Variants in DEPDC1B observed in about 807,000 individuals in gnomAD.
DEPDC1B encodes the protein DEP domain-containing protein 1B.
A neutral mutation model predicts 66.5 loss-of-function variants in DEPDC1B; 51 were observed. The ratio of observed to expected loss-of-function variants is 0.77; its 90% confidence interval spans 0.61 to 0.97. The LOEUF (loss-of-function observed/expected upper bound fraction) is 0.97, where lower values mean the gene tolerates loss of function less well. Ranked by LOEUF, DEPDC1B falls within the 50% of genes least tolerant of loss-of-function variation. The pLI is 0.00. For missense variants in DEPDC1B, 552 were observed against 637.1 expected (o/e 0.87, Z 1.44); for synonymous variants, 226 against 223.6 (o/e 1.01, Z -0.10).
intron 2 of DEPDC1B, among the ~76,000 whole-genome samples, chr5:60,657,118 G>A (rs979504779): frequency 6.6e-6 from 1 of 152,042 alleles, no homozygotes; most frequent in Admixed American, 6.6e-5. Flanking sequence ...ACTCCTGCTC[G>A]CTTTTGGCAT....
intron 1 of DEPDC1B, among the ~76,000 whole-genome samples, chr5:60,696,866 C>T (rs1236707353): frequency 6.7e-6 from 1 of 149,700 alleles, no homozygotes; most frequent in African/African-American, 2.5e-5. Flanking sequence ...TTCTTAGTAC[C>T]AAAAATATTA....
At chr5:60,632,152 C>T (rs1237417003) in intron 7 of DEPDC1B, among the ~76,000 whole-genome samples, 1 of 152,176 alleles carries the variant, frequency 6.6e-6, no homozygotes, top group Non-Finnish European at 1.5e-5. Flanking sequence ...GGCACTGTGC[C>T]CTCTGCCTGA....
At chr5:60,651,053 G>C (rs934477011) in intron 2 of DEPDC1B, among the ~76,000 whole-genome samples, 1 of 152,114 alleles carries the variant, frequency 6.6e-6, no homozygotes, top group Non-Finnish European at 1.5e-5. Flanking sequence ...AAATACCTAA[G>C]CAACAGGAAG....
intron 2 of DEPDC1B, among the ~76,000 whole-genome samples, chr5:60,668,582 A>G (rs1332772246): frequency 6.6e-6 from 1 of 152,016 alleles, no homozygotes; most frequent in African/African-American, 2.4e-5. Flanking sequence ...GGCCCAGAAT[A>G]TATTTTTTTA....
At chr5:60,615,711 T>TG (rs942900233) in intron 7 of DEPDC1B, among the ~76,000 whole-genome samples, 1 of 152,210 alleles carries the variant, frequency 6.6e-6, no homozygotes, top group Admixed American at 6.5e-5. Flanking sequence ...ACTCCACCTC[T>TG]GGGGGCAGGG....
At chr5:60,679,428 G>A (rs1754242282) in intron 2 of DEPDC1B, among the ~76,000 whole-genome samples, 1 of 151,746 alleles carries the variant, frequency 6.6e-6, no homozygotes, top group Admixed American at 6.6e-5. Context: ...ATTAAAATCA[G>A]TATTTTGAAA....
At chr5:60,628,911 A>C (rs997462689) in intron 7 of DEPDC1B, among the ~76,000 whole-genome samples, 1 of 152,224 alleles carries the variant, frequency 6.6e-6, no homozygotes, top group Non-Finnish European at 1.5e-5. Flanking sequence ...TCCTGCTGAA[A>C]TGGTGGGAGA....
intron 7 of DEPDC1B, among the ~76,000 whole-genome samples, chr5:60,610,894 A>G (rs1486946604): frequency 3.3e-5 from 5 of 152,202 alleles, no homozygotes; most frequent in African/African-American, 1.2e-4. Flanking sequence ...TCAGTGAGAG[A>G]ACTATCTTTG....
At chr5:60,690,919 C>A (rs565465314) in intron 1 of DEPDC1B, among the ~76,000 whole-genome samples, 1 of 152,256 alleles carries the variant, frequency 6.6e-6, no homozygotes, top group East Asian at 1.9e-4. Flanking sequence ...TTCATAATTC[C>A]TGAGCATACA....
intron 1 of DEPDC1B, among the ~76,000 whole-genome samples, chr5:60,694,171 G>A (rs781670996): frequency 2.0e-5 from 3 of 152,110 alleles, no homozygotes; most frequent in Non-Finnish European, 4.4e-5. Flanking sequence ...CACATAGACA[G>A]AATTTTTCCT....
intron 7 of DEPDC1B, among the ~76,000 whole-genome samples, chr5:60,629,282 T>C (rs578152350): frequency 4.6e-5 from 7 of 152,362 alleles, no homozygotes; most frequent in African/African-American, 1.4e-4. Flanking sequence ...TCTTGAGTGC[T>C]GTGAATAATG....
chr5:60,698,668 TA>T (rs1323958377), intron 1 of DEPDC1B, among the ~76,000 whole-genome samples: 4 of 105,812 alleles, frequency 3.8e-5, no homozygotes, highest in African/African-American at 1.3e-4. Context: ...ATCTCCTTAT[TA>T]TTTTTTTTTT....
chr5:60,599,298 A>G, intron 9 of DEPDC1B, 38 bp from the exon 10 acceptor site: 1 of 1,459,446 alleles, frequency 6.9e-7, no homozygotes, highest in Non-Finnish European at 9.2e-7. Context: ...AATATAGCAT[A>G]TTTTCAAATA....
intron 2 of DEPDC1B, among the ~76,000 whole-genome samples, chr5:60,660,266 CAGAGAGAGAGACAGAGAGGAGAGAGAA>C (rs1753680487): frequency 8.2e-6 from 1 of 121,582 alleles, no homozygotes; most frequent in African/African-American, 3.3e-5. Context: ...AGGAGAGAGA[CAGAGAGAGAGACAGAGAGGAGAGAGAA>C]AGAGACAGGA....
At chr5:60,635,064 GAAAAAA>G (rs371444479) in intron 7 of DEPDC1B, among the ~76,000 whole-genome samples, 1 of 116,008 alleles carries the variant, frequency 8.6e-6, no homozygotes, top group African/African-American at 3.6e-5. Flanking sequence ...CATCTCAAGA[GAAAAAA>G]AAAAAAAAAA....
rs759529190 is a variant in DEPDC1B at position 60,645,494 on chromosome 5, T to G, written c.576A>C (p.Ser192=). ...TCATTAATATCAAATGTACATACTA[T>G]GATAATGTCATAGACTTCCATATCT... is the stretch of plus-strand genomic sequence containing the variant. The part of the protein sequence containing the change: ...VEEIWKSMTL[S]YLQKILGLDS... Residue 192 remains serine (S), a splice_region_variant and synonymous_variant, in exon 4 of 11, where the codon TCA becomes TCC. Transcript: ENST00000265036. 5.0e-6 allele frequency: 8 copies of G among 1,607,772 alleles called. No homozygotes were observed. The highest frequency in any genetic ancestry group is 6.8e-6 in the Non-Finnish European group (8 of 1,177,596).
At chr5:60,645,659 C>T (rs3797209) in intron 3 of DEPDC1B, 40 bp from the exon 4 acceptor site, 71,683 of 1,566,824 alleles carry the variant, frequency 0.046, 2,368 homozygotes, top group East Asian at 0.18. Flanking sequence ...GAAGGAGAAA[C>T]GGTAGAAAGA....
At chr5:60,612,708 A>T (rs1752441901) in intron 7 of DEPDC1B, among the ~76,000 whole-genome samples, 1 of 150,784 alleles carries the variant, frequency 6.6e-6, no homozygotes, top group Non-Finnish European at 1.5e-5. Flanking sequence ...TGGTTCAGAA[A>T]AAAAAAAAAA....
chr5:60,625,998 CT>C lies in DEPDC1B; in HGVS notation c.898+12751del, dbSNP rs1414492217. 4.0e-5 allele frequency among the ~76,000 whole-genome samples: 6 copies of C among 151,516 alleles called. No homozygotes were observed. In the South Asian group the frequency reaches 6.3e-4, roughly 16 times the overall value. ...ATTTAGTTATTTTTTCTTGCTTGTT[CT>C]TTTTTTTATGGGAATATCTTTTTTA... On this transcript the variant is annotated intron_variant, in intron 7 of 10. Transcript: ENST00000265036.
Sources: allele counts gnomAD v4.1 joint callset (sites outside exome capture counted in the v4.1 genomes callset), GRCh38; gene constraint gnomAD v4.1.1; transcripts MANE v1.5; gene names NCBI Gene and HGNC (gene_info 2026-07-23, HGNC 2026-07-21).